The following ADAMTS5 variants were observed in gnomAD, a reference collection of about 807,000 sequenced individuals.
ADAMTS5 encodes the protein ADAM metallopeptidase with thrombospondin type 1 motif 5.
Under a neutral mutation model 81.4 loss-of-function variants are expected in ADAMTS5, and 54 were observed. The observed-to-expected ratio is 0.66, with a 90% CI of 0.53 to 0.83. The LOEUF (loss-of-function observed/expected upper bound fraction) is 0.83, where lower values mean the gene tolerates loss of function less well. Ranked by LOEUF, ADAMTS5 falls within the 40% of genes least tolerant of loss-of-function variation. ADAMTS5 has a pLI of 0.00. For synonymous variants in ADAMTS5, 532 were observed against 508.8 expected (o/e 1.05, Z -0.61); for missense variants, 1,194 against 1,229.9 (o/e 0.97, Z 0.44).
chr21:26,961,027 CT>C (rs562821627), intron 1 of ADAMTS5, among the ~76,000 whole-genome samples: 132 of 152,274 alleles, frequency 8.7e-4, no homozygotes, highest in Non-Finnish European at 9.0e-4. Context: ...GGAATAGATT[CT>C]TAAGAAAGGG....
intron 3 of ADAMTS5, among the ~76,000 whole-genome samples, chr21:26,940,300 T>G (rs902884377): frequency 6.6e-6 from 1 of 152,184 alleles, no homozygotes; most frequent in Non-Finnish European, 1.5e-5. Context: ...TGCTTAAAAA[T>G]AGCAAATTGC....
chr21:26,966,376 C>T lies in ADAMTS5; in HGVS notation c.16G>A (p.Ala6Thr). 1.3e-6 allele frequency: 2 copies of T among 1,488,732 alleles called. No homozygotes were observed. Among genetic ancestry groups the T allele is most frequent in the African/African-American group, 2.9e-5 (2 of 69,122 alleles). 92.2% of individuals were successfully genotyped at this position (1,488,732 alleles called of 1,614,324 possible). A position where few individuals can be genotyped will look rare whatever the true frequency, so the allele number is the denominator to read the frequency against. Residue 6 changes from alanine to threonine, a missense_variant, in exon 1 of 8, where the codon GCG (alanine) becomes ACG (threonine). Physicochemically the swap from Ala to Thr is moderately conservative, Grantham distance 58 (BLOSUM62 0). Around this residue, in one of 2 missense-constraint regions of ADAMTS5, gnomAD observed 498 missense variants for 412.3 expected, o/e 1.21. Transcript: ENST00000284987. MLLGW[A>T]SLLLCAFRLP... ...CGGAACGCGCACAGCAGCAGGGACG[C>T]CCACCCGAGCAGCATAGTGCGCTGC...
chr21:26,965,858 C>CT lies in ADAMTS5; in HGVS notation c.533dup (p.Arg180AlafsTer97). On this transcript the variant is annotated frameshift_variant, in exon 1 of 8. Transcript: ENST00000284987. LOFTEE classifies it high-confidence loss of function. Reference sequence around the variant, plus strand: ...CGGACCCATCCCCGTACACGCGCCCCTTTTCTTCCTCCGCCCAGGGTCCGC... The same window carrying CT: ...CGGACCCATCCCCGTACACGCGCCCCTTTTTCTTCCTCCGCCCAGGGTCCGC... 1 of 1,613,288 alleles carries CT rather than the reference C, an allele frequency of 6.2e-7. No homozygotes were observed.
At position 26,966,116 on chromosome 21, in the gene ADAMTS5, G is replaced by T. The variant is rs148017807; in HGVS notation, c.276C>A (p.Tyr92Ter). Residue 92 changes from tyrosine to a stop codon, truncating the protein, a stop_gained, in exon 1 of 8, where the codon TAC becomes TAA. Transcript: ENST00000284987. LOFTEE classifies it high-confidence loss of function. ...SGGGKVGYLV[Y>*]AGGRRFLLDL... ...CCAAGAGGAACCTCCGGCCGCCCGC[G>T]TAGACGAGGTAGCCCACCTTGCCGC... is the stretch of plus-strand genomic sequence containing the variant. 6.2e-7 allele frequency: 1 copy of T among 1,612,706 alleles called. No individual in the cohort carries two copies. The highest frequency in any genetic ancestry group is 8.5e-7 in the Non-Finnish European group (1 of 1,179,742).
chr21:26,932,476 A>G (rs1230400564), intron 5 of ADAMTS5, among the ~76,000 whole-genome samples: 2 of 152,084 alleles, frequency 1.3e-5, no homozygotes, highest in Admixed American at 6.5e-5. Context: ...GGTGGATCAC[A>G]AGGTCAGGAG....
Position 26,924,205 on chromosome 21 carries a change from T to A in ADAMTS5, c.2641A>T (p.Thr881Ser), listed in dbSNP as rs761487953. The A allele has an allele frequency of 9.9e-6, 16 of 1,614,110 alleles. No homozygotes were observed. The highest frequency in any genetic ancestry group is 1.3e-5 in the Non-Finnish European group (15 of 1,180,040). Reference sequence around the variant, plus strand: ...CTAGAGCAGGCGAGCCATGGGCCCGTGACCCACTGCGGCTGCGAAGTGTGT... The same window carrying A: ...CTAGAGCAGGCGAGCCATGGGCCCGAGACCCACTGCGGCTGCGAAGTGTGT... ...GSHTSQPQWV[T>S]GPWLACSRTC... is the part of the protein sequence containing the mutation. The change falls in exon 8 of 8, where the codon ACG (threonine) becomes TCG (serine). Residue 881 changes from threonine (T) to serine (S), a missense_variant. By Grantham distance (58) the Thr-to-Ser change is moderately conservative. Around this residue, in one of 2 missense-constraint regions of ADAMTS5, gnomAD observed 696 missense variants for 817.6 expected, o/e 0.85. Transcript: ENST00000284987.
Position 26,965,854 on chromosome 21 carries a change from G to T in ADAMTS5, c.538C>A (p.Arg180Ser). The T allele has an allele frequency of 6.2e-7, 1 of 1,612,928 alleles. No homozygotes were observed. The highest frequency in any genetic ancestry group is 8.5e-7 in the Non-Finnish European group (1 of 1,179,632). The stretch of plus-strand genomic sequence containing the variant: ...CGTGCGGACCCATCCCCGTACACGC[G>T]CCCCTTTTCTTCCTCCGCCCAGGGT... Reference protein sequence around the residue: ...RGPWAEEEKGRVYGDGSARIL... With the variant: ...RGPWAEEEKGSVYGDGSARIL... Residue 180 changes from arginine to serine, a missense_variant, in exon 1 of 8, where the codon CGC becomes AGC. Coordinates refer to ENST00000284987, the MANE Select transcript of ADAMTS5 (RefSeq NM_007038.5).
chr21:26,925,167 T>C (rs1390548920), intron 7 of ADAMTS5, among the ~76,000 whole-genome samples: 4 of 152,158 alleles, frequency 2.6e-5, no homozygotes, highest in Non-Finnish European at 4.4e-5. Flanking sequence ...AGAGCACTTT[T>C]GAAACTTCTC....
intron 4 of ADAMTS5, among the ~76,000 whole-genome samples, chr21:26,933,618 C>G (rs778104080): frequency 2.0e-5 from 3 of 152,224 alleles, no homozygotes; most frequent in Non-Finnish European, 4.4e-5. Flanking sequence ...AATGCACTCA[C>G]GCCATACATG....
At chr21:26,947,402 A>C (rs1218017747) in intron 2 of ADAMTS5, among the ~76,000 whole-genome samples, 1 of 152,060 alleles carries the variant, frequency 6.6e-6, no homozygotes, top group Non-Finnish European at 1.5e-5. Flanking sequence ...TGCCTACCTC[A>C]GAACTATATT....
intron 3 of ADAMTS5, among the ~76,000 whole-genome samples, chr21:26,939,180 A>G (rs566366360): frequency 1.3e-5 from 2 of 152,302 alleles, no homozygotes; most frequent in Admixed American, 6.5e-5. Context: ...GAGCACTTCA[A>G]AAAACCAGAC....
rs1458027488 is a variant in ADAMTS5 at position 26,966,433 on chromosome 21, A to G, written c.-42T>C. On this transcript the variant is annotated 5_prime_UTR_variant, in exon 1 of 8. Transcript: ENST00000284987. ...GGAGGGGCTGCGCGACTGGGACTTT[A>G]TGGGTATTTGTTATTTGCTATGAAG... is the stretch of plus-strand genomic sequence containing the variant. The G allele has an allele frequency of 7.1e-7, 1 of 1,404,428 alleles. No homozygotes were observed. Among genetic ancestry groups the G allele is most frequent in the Non-Finnish European group, 9.2e-7 (1 of 1,091,078 alleles). 87.0% of individuals were successfully genotyped at this position (1,404,428 alleles called of 1,614,324 possible).
chr21:26,926,649 C>G (rs1986810414), intron 7 of ADAMTS5, among the ~76,000 whole-genome samples: 1 of 135,788 alleles, frequency 7.4e-6, no homozygotes, highest in East Asian at 2.2e-4. Context: ...GCCTGGGCAA[C>G]AGAGTGAGAC....
chr21:26,946,122 A>G (rs1987210772), intron 2 of ADAMTS5, among the ~76,000 whole-genome samples: 1 of 152,226 alleles, frequency 6.6e-6, no homozygotes, highest in South Asian at 2.1e-4. Flanking sequence ...GAACCAGGGC[A>G]TGGCGAGAGA....
intron 1 of ADAMTS5, among the ~76,000 whole-genome samples, chr21:26,960,418 A>G (rs113870247): frequency 1.3e-5 from 2 of 152,188 alleles, no homozygotes; most frequent in African/African-American, 4.8e-5. Context: ...AAACTCATCT[A>G]TTTGGAGATA....
chr21:26,933,164 T>C, intron 4 of ADAMTS5, 120 bp from the exon 5 acceptor site: 6 of 1,028,244 alleles, frequency 5.8e-6, no homozygotes, highest in Non-Finnish European at 8.4e-6. Flanking sequence ...ACAGTTATAT[T>C]TTCACTGAAT....
rs199797191 is a variant in ADAMTS5, at chr21:26,934,535, C to T, written c.1620G>A (p.Thr540=). ...GGCAGATTCTCCCCTTTCCACAAGG[C>T]GTCCCTTCCACCGCAGGCAGCTTCT... ...LTKKLPAVEG[T]PCGKGRICLQ... is the part of the protein sequence containing the mutation. The change falls in exon 4 of 8, where the codon ACG becomes ACA. Residue 540 remains threonine, a synonymous_variant. Transcript: ENST00000284987. 55 of 1,614,042 alleles carry T rather than the reference C, an allele frequency of 3.4e-5. No individual in the cohort carries two copies. The highest frequency in any genetic ancestry group is 3.3e-4 in the Middle Eastern group (2 of 6,084).
chr21:26,918,787 T>C lies in ADAMTS5; in HGVS notation c.*5266A>G, dbSNP rs1378424110. The C allele has an allele frequency of 6.6e-6, 1 of 151,778 alleles. No individual in the cohort carries two copies. The highest frequency in any genetic ancestry group is 1.5e-5 in the Non-Finnish European group (1 of 67,862). 9.4% of individuals were successfully genotyped at this position (151,778 alleles called of 1,614,324 possible). On this transcript the variant is annotated 3_prime_UTR_variant, in exon 8 of 8. Coordinates refer to ENST00000284987, the MANE Select transcript of ADAMTS5 (RefSeq NM_007038.5). ...AGTCACCAAGTGTTTACCAATAACA[T>C]AAATTATTGCAAAGCTTGAAAAAAA...
chr21:26,966,032 C>G lies in ADAMTS5; in HGVS notation c.360G>C (p.Thr120=). The change falls in exon 1 of 8, where the codon ACG becomes ACC. Residue 120 remains threonine (T), a synonymous_variant. Coordinates refer to ENST00000284987, the MANE Select transcript of ADAMTS5 (RefSeq NM_007038.5). Reference sequence around the variant, plus strand: ...GGCTCCGGTGGCGCCAGGGCGCACTCGTCCCGCCTCCTGCGGGCACGAAGC... The same window carrying G: ...GGCTCCGGTGGCGCCAGGGCGCACTGGTCCCGCCTCCTGCGGGCACGAAGC... ...IAGFVPAGGG[T]SAPWRHRSHC... 4 of 1,613,018 alleles carry G rather than the reference C, an allele frequency of 2.5e-6. No individual in the cohort carries two copies. Among genetic ancestry groups the G allele is most frequent in the Non-Finnish European group, 3.4e-6 (4 of 1,179,900 alleles).
Sources: allele counts gnomAD v4.1 joint callset (sites outside exome capture counted in the v4.1 genomes callset), GRCh38; gene constraint gnomAD v4.1.1; regional missense constraint gnomAD v4.1.1; transcripts MANE v1.5; gene names NCBI Gene and HGNC (gene_info 2026-07-23, HGNC 2026-07-21).